Variants in USP3 observed in about 807,000 individuals in gnomAD.
The protein encoded by USP3 is ubiquitin specific peptidase 3.
A neutral mutation model predicts 72.3 loss-of-function variants in USP3; 20 were observed. The observed-to-expected ratio is 0.28, with a 90% confidence interval of 0.19 to 0.40. USP3 has a LOEUF of 0.40. USP3 is among the 10% of genes least tolerant of loss of function. USP3 has a pLI of 1.00. For missense variants in USP3, 479 were observed against 633.9 expected, an observed-to-expected ratio of 0.76 and a Z score of 2.62; for synonymous variants, 222 against 225.3, an observed-to-expected ratio of 0.99 and a Z score of 0.13.
In USP3 at chr15:63,504,671, C is replaced by T. The variant is rs1464885623; in HGVS notation, c.-69C>T. ...TAGAAGCGACACCAGACGGAGCCTC[C>T]GGAGTTCCTCCGCCCCCACCTCGCC... is the stretch of plus-strand genomic sequence containing the variant. On this transcript the variant is annotated 5_prime_UTR_variant, in exon 1 of 15. Coordinates refer to ENST00000380324, the MANE Select transcript of USP3 (RefSeq NM_006537.4). The T allele has an allele frequency of 9.7e-5, 131 of 1,355,002 alleles. No individual in the cohort carries two copies. Among genetic ancestry groups the T allele is most frequent in the Non-Finnish European group, 1.3e-4 (128 of 1,008,352 alleles). The allele number at this position is 1,355,002 out of a possible 1,614,324, so 83.9% of individuals were successfully genotyped here. A position where few individuals can be genotyped will look rare whatever the true frequency, so the allele number is the denominator to read the frequency against.
At chr15:63,556,371 G>T (rs1028338320) in intron 4 of USP3, 4 of 252,214 alleles carry the variant, frequency 1.6e-5, no homozygotes, top group Non-Finnish European at 2.3e-5. Flanking sequence ...GTGAAGCTTC[G>T]CAGTCAGTCA....
At chr15:63,565,848 C>T (rs1211734157) in intron 8 of USP3, among the ~76,000 whole-genome samples, 1 of 152,206 alleles carries the variant, frequency 6.6e-6, no homozygotes, top group Non-Finnish European at 1.5e-5. Context: ...ATTTTACATA[C>T]ATGTGCAGGT....
At chr15:63,535,262 A>G (rs1193929598) in intron 2 of USP3, among the ~76,000 whole-genome samples, 1 of 152,226 alleles carries the variant, frequency 6.6e-6, no homozygotes, top group African/African-American at 2.4e-5. Context: ...TTCTTGACCT[A>G]TACAGTTACA....
chr15:63,538,616 G>A lies in USP3; in HGVS notation c.284+1460G>A, dbSNP rs542701128. Reference sequence around the variant, plus strand: ...GGCTGGAGTGCAGTGGCCGATCTCCGCTCACTGCAAGCTCTGCCTCCTGGG... The same window carrying A: ...GGCTGGAGTGCAGTGGCCGATCTCCACTCACTGCAAGCTCTGCCTCCTGGG... On this transcript the variant is annotated intron_variant, in intron 3 of 14. Transcript: ENST00000380324. Among the ~76,000 whole-genome samples the A allele has an allele frequency of 4.7e-5, 7 of 148,738 alleles. No homozygotes were observed. The Admixed American group carries it at 4.7e-4, about 10-fold the overall frequency.
At chr15:63,537,473 A>G (rs770746929) in intron 3 of USP3, among the ~76,000 whole-genome samples, 25 of 152,152 alleles carry the variant, frequency 1.6e-4, no homozygotes, top group Admixed American at 5.9e-4. Flanking sequence ...TTGAAGAACA[A>G]TGTGATAACC....
At chr15:63,552,060 G>C (rs997373065) in intron 3 of USP3, among the ~76,000 whole-genome samples, 1 of 152,190 alleles carries the variant, frequency 6.6e-6, no homozygotes, top group Non-Finnish European at 1.5e-5. Flanking sequence ...TAGAGGTTCA[G>C]TTTTCAATTA....
chr15:63,530,721 G>A (rs923852868), intron 1 of USP3: 7 of 341,298 alleles, frequency 2.1e-5, no homozygotes, highest in Non-Finnish European at 4.0e-5. Context: ...AGCTGTTCAA[G>A]TAAGCTGTGT....
chr15:63,569,187 ATATTG>A (rs554120312), intron 8 of USP3, among the ~76,000 whole-genome samples: 2 of 152,312 alleles, frequency 1.3e-5, no homozygotes, highest in East Asian at 3.9e-4. Flanking sequence ...AAAATAATGG[ATATTG>A]TATTAAATAA....
chr15:63,568,605 C>T (rs949011932), intron 8 of USP3, among the ~76,000 whole-genome samples: 1 of 152,012 alleles, frequency 6.6e-6, no homozygotes, highest in Non-Finnish European at 1.5e-5. Flanking sequence ...AATTCTGAAG[C>T]CCAGTCATAC....
At chr15:63,532,151 A>G (rs1224877342) in intron 1 of USP3, among the ~76,000 whole-genome samples, 1 of 152,236 alleles carries the variant, frequency 6.6e-6, no homozygotes, top group East Asian at 1.9e-4. Flanking sequence ...CATATATTTT[A>G]TGCAACTAAG....
Position 63,504,686 on chromosome 15 carries a change from C to T in USP3, c.-54C>T. On this transcript the variant is annotated 5_prime_UTR_variant, in exon 1 of 15. Coordinates refer to ENST00000380324, the MANE Select transcript of USP3 (RefSeq NM_006537.4). The stretch of plus-strand genomic sequence containing the variant: ...ACGGAGCCTCCGGAGTTCCTCCGCC[C>T]CCACCTCGCCGGGTCCTGGAGCCGC... 6.8e-7 allele frequency: 1 copy of T among 1,471,060 alleles called. No individual in the cohort carries two copies. The highest frequency in any genetic ancestry group is 1.3e-5 in the South Asian group (1 of 78,384). 91.1% of individuals were successfully genotyped at this position (1,471,060 alleles called of 1,614,324 possible). A position where few individuals can be genotyped will look rare whatever the true frequency, so the allele number is the denominator to read the frequency against.
chr15:63,533,828 G>A, intron 2 of USP3: 1 of 1,239,060 alleles, frequency 8.1e-7, no homozygotes, highest in Non-Finnish European at 1.0e-6. Flanking sequence ...AAAATACTTT[G>A]TACAGATAAC....
intron 7 of USP3, among the ~76,000 whole-genome samples, chr15:63,561,729 A>G (rs139368486): frequency 2.4e-3 from 358 of 152,338 alleles, no homozygotes; most frequent in African/African-American, 8.3e-3. Flanking sequence ...GCAAACTCTT[A>G]AAAGTAGGGA....
At chr15:63,507,152 C>T (rs570605661) in intron 1 of USP3, among the ~76,000 whole-genome samples, 2 of 151,946 alleles carry the variant, frequency 1.3e-5, no homozygotes, top group Non-Finnish European at 2.9e-5. Flanking sequence ...TTGACTAATA[C>T]TGTGACTGGG....
intron 6 of USP3, among the ~76,000 whole-genome samples, chr15:63,559,260 G>A (rs2066564814): frequency 6.6e-6 from 1 of 152,142 alleles, no homozygotes; most frequent in Non-Finnish European, 1.5e-5. Context: ...GCTGACTTAA[G>A]TTTTGTAGAA....
intron 11 of USP3, among the ~76,000 whole-genome samples, chr15:63,576,613 G>A (rs1452938898): frequency 1.3e-5 from 2 of 152,174 alleles, no homozygotes; most frequent in Admixed American, 1.3e-4. Context: ...TGCATCCCAC[G>A]GAGTATTTTT....
intron 11 of USP3, among the ~76,000 whole-genome samples, chr15:63,576,697 AG>A (rs2066870177): frequency 6.6e-6 from 1 of 152,170 alleles, no homozygotes; most frequent in African/African-American, 2.4e-5. Flanking sequence ...CAAGTAGTTT[AG>A]GGTTTGGCTG....
intron 3 of USP3, among the ~76,000 whole-genome samples, chr15:63,543,915 T>C (rs1392510816): frequency 6.6e-6 from 1 of 151,912 alleles, no homozygotes; most frequent in African/African-American, 2.4e-5. Flanking sequence ...TATATTGTAC[T>C]TTGAGAAATT....
intron 1 of USP3, among the ~76,000 whole-genome samples, chr15:63,522,545 A>G (rs146274852): frequency 1.5e-4 from 23 of 152,346 alleles, no homozygotes; most frequent in Middle Eastern, 3.4e-3. Flanking sequence ...AAAGAGAACC[A>G]GGTAATAGAG....
Sources: gnomAD v4.1 joint callset for allele counts (sites outside exome capture counted in the v4.1 genomes callset) on GRCh38, gnomAD v4.1.1 for gene constraint, MANE v1.5 for transcripts, NCBI Gene and HGNC (gene_info 2026-07-23, HGNC 2026-07-21) for gene names.